WASF1: variants seen among roughly 807,000 people sequenced by gnomAD.
WASF1 encodes the protein WASP family member 1.
In WASF1, 7 loss-of-function variants were observed where a neutral mutation model predicts 50.5. That is an observed-to-expected ratio of 0.14 (90% CI 0.08 to 0.26). The LOEUF (loss-of-function observed/expected upper bound fraction) is 0.26, where lower values mean the gene tolerates loss of function less well. Among genes scored for constraint, WASF1 ranks in the 10% least tolerant of loss-of-function variants. The probability of loss-of-function intolerance (pLI) is 1.00; values close to 1 mark genes in which losing one functional copy is unlikely to be tolerated. For missense variants in WASF1, 470 were observed against 694.7 expected, an observed-to-expected ratio of 0.68 and a Z score of 3.64; for synonymous variants, 205 against 244.0, an observed-to-expected ratio of 0.84 and a Z score of 1.49.
chr6:110,169,857 T>C (rs943188475), intron 2 of WASF1, among the ~76,000 whole-genome samples: 10 of 152,156 alleles, frequency 6.6e-5, no homozygotes, highest in African/African-American at 2.4e-4. Context: ...GCCTAGCATA[T>C]ACAGGTGCTC....
intron 2 of WASF1, among the ~76,000 whole-genome samples, chr6:110,178,142 C>T (rs1264512771): frequency 6.6e-6 from 1 of 152,072 alleles, no homozygotes. Context: ...AAATCCTCAT[C>T]TTAAATATTA....
intron 2 of WASF1, among the ~76,000 whole-genome samples, chr6:110,169,926 A>C (rs1776632787): frequency 1.3e-5 from 2 of 152,134 alleles, no homozygotes; most frequent in Non-Finnish European, 2.9e-5. Flanking sequence ...GAGATCATCA[A>C]CCACGATAAA....
At chr6:110,105,183 C>T (rs190742313) in intron 8 of WASF1, among the ~76,000 whole-genome samples, 1 of 152,086 alleles carries the variant, frequency 6.6e-6, no homozygotes. Context: ...TCAGCCACTC[C>T]AACCACTTCT....
intron 3 of WASF1, among the ~76,000 whole-genome samples, chr6:110,139,307 G>A (rs546053785): frequency 2.6e-5 from 4 of 152,294 alleles, no homozygotes; most frequent in East Asian, 1.9e-4. Flanking sequence ...CCCGTGGCTG[G>A]GTGGCTGCAG....
chr6:110,136,778 ATC>A (rs754482726), intron 3 of WASF1, among the ~76,000 whole-genome samples: 2 of 152,188 alleles, frequency 1.3e-5, no homozygotes, highest in Non-Finnish European at 2.9e-5. Flanking sequence ...GTTTGTTAAT[ATC>A]TGACTACTTT....
chr6:110,166,150 G>A (rs1776468647), intron 2 of WASF1, among the ~76,000 whole-genome samples: 1 of 151,534 alleles, frequency 6.6e-6, no homozygotes, highest in Admixed American at 6.6e-5. Flanking sequence ...TAAAGGAAAT[G>A]GAAAAGCAGA....
chr6:110,170,797 T>C (rs1248332024), intron 2 of WASF1, among the ~76,000 whole-genome samples: 4 of 152,108 alleles, frequency 2.6e-5, no homozygotes, highest in Admixed American at 6.6e-5. Flanking sequence ...CTGAAGTAGC[T>C]GTATCAATTT....
At chr6:110,104,433 T>C (rs549796239) in intron 8 of WASF1, among the ~76,000 whole-genome samples, 4 of 152,332 alleles carry the variant, frequency 2.6e-5, no homozygotes, top group African/African-American at 4.8e-5. Flanking sequence ...TGCACACTTA[T>C]GGCCCAATCA....
rs1243190021 is a variant in WASF1 at position 110,124,400 on chromosome 6, T to C, written c.133+3069A>G. Among the ~76,000 whole-genome samples, 4 of 149,368 alleles carry C rather than the reference T, an allele frequency of 2.7e-5. No individual in the cohort carries two copies. The East Asian group carries it at 7.9e-4, about 29-fold the overall frequency. On this transcript the variant is annotated intron_variant, in intron 4 of 10. Coordinates refer to ENST00000392589, the MANE Select transcript of WASF1 (RefSeq NM_003931.3). ...AGCTTTCCTTTCACTTAATAAATTC[T>C]ACTCCATTCACTCTTAGAGTATCTG...
At position 110,153,868 on chromosome 6, in the gene WASF1, G is replaced by A. The variant is rs139165263; in HGVS notation, c.-29+6767C>T. Among the ~76,000 whole-genome samples, 289 of 151,770 alleles carry A rather than the reference G, an allele frequency of 1.9e-3. 1 individual carries two copies. The highest frequency in any genetic ancestry group is 6.3e-3 in the African/African-American group (260 of 41,404). On this transcript the variant is annotated intron_variant, in intron 3 of 10. Transcript: ENST00000392589. Reference sequence around the variant, plus strand: ...AATTTGAGGTTTATGCTATACGCCTGGATTTAAAAATACTCAATTAGAATG... The same window carrying A: ...AATTTGAGGTTTATGCTATACGCCTAGATTTAAAAATACTCAATTAGAATG...
chr6:110,119,633 C>T (rs572326967), intron 4 of WASF1, among the ~76,000 whole-genome samples: 10 of 152,284 alleles, frequency 6.6e-5, no homozygotes, highest in African/African-American at 2.2e-4. Flanking sequence ...TGGTACCATT[C>T]CTTCTAAAAC....
chr6:110,106,873 A>T (rs1383354631), intron 7 of WASF1, among the ~76,000 whole-genome samples: 2 of 152,176 alleles, frequency 1.3e-5, no homozygotes, highest in African/African-American at 4.8e-5. Context: ...TATGGCACTT[A>T]TTATGCCCTA....
chr6:110,123,791 G>T (rs940718689), intron 4 of WASF1, among the ~76,000 whole-genome samples: 2 of 152,146 alleles, frequency 1.3e-5, no homozygotes, highest in African/African-American at 4.8e-5. Context: ...GAAAAAGCAG[G>T]TATAAAGTTA....
At chr6:110,117,148 G>A (rs1482720991) in intron 4 of WASF1, among the ~76,000 whole-genome samples, 2 of 152,116 alleles carry the variant, frequency 1.3e-5, no homozygotes, top group Non-Finnish European at 2.9e-5. Flanking sequence ...GAAAAAAACT[G>A]GATGGAAAAT....
intron 3 of WASF1, among the ~76,000 whole-genome samples, chr6:110,132,475 GT>G (rs931169421): frequency 3.3e-5 from 5 of 150,998 alleles, no homozygotes; most frequent in African/African-American, 1.2e-4. Flanking sequence ...CTGTAATACG[GT>G]TTTTTTTGTG....
At chr6:110,130,924 TTG>T (rs1331582489) in intron 3 of WASF1, among the ~76,000 whole-genome samples, 1 of 152,226 alleles carries the variant, frequency 6.6e-6, no homozygotes, top group Non-Finnish European at 1.5e-5. Flanking sequence ...TAGTTTTAAT[TTG>T]TGTTTCCCAA....
At chr6:110,123,503 T>C (rs1195815585) in intron 4 of WASF1, among the ~76,000 whole-genome samples, 3 of 152,206 alleles carry the variant, frequency 2.0e-5, no homozygotes, top group African/African-American at 7.2e-5. Flanking sequence ...ATTTAATAGA[T>C]AAGTCCTAAT....
At chr6:110,154,902 G>A (rs186670801) in intron 3 of WASF1, among the ~76,000 whole-genome samples, 1 of 152,088 alleles carries the variant, frequency 6.6e-6, no homozygotes, top group Non-Finnish European at 1.5e-5. Flanking sequence ...TGTCCTTGGT[G>A]AAAGTCAGGC....
chr6:110,100,876 A>G (rs1192041570), intron 10 of WASF1, among the ~76,000 whole-genome samples, 197 bp from the exon 11 acceptor site: 1 of 152,218 alleles, frequency 6.6e-6, no homozygotes, highest in African/African-American at 2.4e-5. Flanking sequence ...GGTAAAACTT[A>G]CCAGATATCC....
Sources: allele counts gnomAD v4.1 joint callset (sites outside exome capture counted in the v4.1 genomes callset), GRCh38; gene constraint gnomAD v4.1.1; transcripts MANE v1.5; gene names NCBI Gene and HGNC (gene_info 2026-07-23, HGNC 2026-07-21).